The following COL11A1 variants were observed in gnomAD, a reference collection of about 807,000 sequenced individuals.
COL11A1 encodes the protein collagen alpha-1(XI) chain.
In COL11A1, 74 loss-of-function variants were observed where a neutral mutation model predicts 265.2. That is an observed-to-expected ratio of 0.28 (90% CI 0.23 to 0.34). The LOEUF is 0.34. COL11A1 is among the 10% of genes least tolerant of loss of function. COL11A1 has a pLI of 1.00. For missense variants in COL11A1, 2,165 were observed against 2,263.6 expected, an observed-to-expected ratio of 0.96 and a Z score of 0.88; for synonymous variants, 816 against 727.6, an observed-to-expected ratio of 1.12 and a Z score of -1.96.
At chr1:102,878,417 T>C (rs1649777191) in intron 66 of COL11A1, among the ~76,000 whole-genome samples, 1 of 135,964 alleles carries the variant, frequency 7.4e-6, no homozygotes, top group African/African-American at 2.7e-5. Context: ...TTAAAAAGAG[T>C]CTTGAGTTTC....
intron 1 of COL11A1, among the ~76,000 whole-genome samples, chr1:103,095,204 G>A (rs550865723): frequency 6.6e-6 from 1 of 151,964 alleles, no homozygotes; most frequent in Non-Finnish European, 1.5e-5. Flanking sequence ...GGATATAGAT[G>A]ACCTAGATGC....
chr1:103,102,984 C>T (rs1240020098), intron 1 of COL11A1, among the ~76,000 whole-genome samples: 1 of 151,954 alleles, frequency 6.6e-6, no homozygotes. Context: ...TAGTTGTTGA[C>T]AACACAACAG....
chr1:103,079,006 A>G (rs1672197378), intron 2 of COL11A1, 135 bp from the exon 3 acceptor site: 1 of 661,720 alleles, frequency 1.5e-6, no homozygotes, highest in Middle Eastern at 4.1e-4. Flanking sequence ...ACAGATTAAT[A>G]AATAAATAGG....
chr1:102,881,096 G>T (rs964108845), intron 65 of COL11A1, among the ~76,000 whole-genome samples: 17 of 151,940 alleles, frequency 1.1e-4, no homozygotes, highest in Non-Finnish European at 2.1e-4. Flanking sequence ...TAATTATCTG[G>T]ATAACTGGAA....
Position 102,876,582 on chromosome 1 carries a change from T to A in COL11A1, c.*1437A>T, listed in dbSNP as rs181411000. 8.3e-4 allele frequency: 126 copies of A among 152,660 alleles called. No individual in the cohort carries two copies. The highest frequency in any genetic ancestry group is 3.0e-3 in the African/African-American group (124 of 41,596). The allele number at this position is 152,660 out of a possible 1,614,324, so 9.5% of individuals were successfully genotyped here. A position where few individuals can be genotyped will look rare whatever the true frequency, so the allele number is the denominator to read the frequency against. On this transcript the variant is annotated 3_prime_UTR_variant, in exon 67 of 67. Coordinates refer to ENST00000370096, the MANE Select transcript of COL11A1 (RefSeq NM_001854.4). ...ATTCTTTATGACAAATTTCACTTTTTAATTTCAATATTACAGGTATGTTCT... is the reference window on the plus strand; with the variant it reads ...ATTCTTTATGACAAATTTCACTTTTAAATTTCAATATTACAGGTATGTTCT...
At chr1:102,886,743 T>C in intron 63 of COL11A1, 64 bp downstream of exon 63, 2 of 1,600,422 alleles carry the variant, frequency 1.2e-6, no homozygotes, top group Non-Finnish European at 1.7e-6. Context: ...ATGAATGAGC[T>C]GCCAATGCAC....
At chr1:103,063,420 T>C (rs1240404790) in intron 4 of COL11A1, among the ~76,000 whole-genome samples, 1 of 152,196 alleles carries the variant, frequency 6.6e-6, no homozygotes, top group Non-Finnish European at 1.5e-5. Context: ...CATATAAATA[T>C]ACTAAACTGA....
chr1:103,025,589 C>A lies in COL11A1; in HGVS notation c.922G>T (p.Glu308Ter). The part of the protein sequence containing the change: ...TEANIVDDFQ[E>*]YNYGTMESYQ... ...CTTTCCATTGTTCCATAGTTGTATT[C>A]TTGAAAATCATCAACGATGTTTGCC... The change falls in exon 7 of 67, where the codon GAA (glutamate) becomes TAA (stop). Residue 308 changes from glutamate to a stop codon, truncating the protein, a stop_gained. Transcript: ENST00000370096. LOFTEE classifies it high-confidence loss of function. 1 of 1,613,686 alleles carries A rather than the reference C, an allele frequency of 6.2e-7. No individual in the cohort carries two copies. Among genetic ancestry groups the A allele is most frequent in the Non-Finnish European group, 8.5e-7 (1 of 1,179,814 alleles).
At chr1:102,910,423 C>T (rs1654514219) in intron 54 of COL11A1, among the ~76,000 whole-genome samples, 2 of 152,126 alleles carry the variant, frequency 1.3e-5, no homozygotes, top group African/African-American at 4.8e-5. Context: ...CTAGATAGCA[C>T]TTGCTGAGAG....
intron 14 of COL11A1, among the ~76,000 whole-genome samples, chr1:103,009,468 G>A (rs1029546769): frequency 6.6e-6 from 1 of 152,006 alleles, no homozygotes; most frequent in Non-Finnish European, 1.5e-5. Context: ...CAACAACCTG[G>A]CATGTGTACT....
At chr1:102,911,474 T>A (rs867617685) in intron 54 of COL11A1, among the ~76,000 whole-genome samples, 31 of 152,156 alleles carry the variant, frequency 2.0e-4, no homozygotes, top group African/African-American at 7.0e-4. Flanking sequence ...ATTTTACTCA[T>A]GTGCCGGTTT....
Position 102,974,846 on chromosome 1 carries a change from C to A in COL11A1, c.2792G>T (p.Gly931Val). The change falls in exon 36 of 67, where the codon GGA becomes GTA. Residue 931 changes from glycine (G) to valine (V), a missense_variant. By Grantham distance (109) the Gly-to-Val change is moderately radical. Coordinates refer to ENST00000370096, the MANE Select transcript of COL11A1 (RefSeq NM_001854.4). ...GACACTTACAGGAGGGCCTTTTGGTCCAGGGAATCCAACTGGACCCTGAGG... is the reference window on the plus strand; with the variant it reads ...GACACTTACAGGAGGGCCTTTTGGTACAGGGAATCCAACTGGACCCTGAGG... ...QGPQGPVGFP[G>V]PKGPPGPPGK... The A allele has an allele frequency of 6.2e-7, 1 of 1,613,474 alleles. No individual in the cohort carries two copies. The highest frequency in any genetic ancestry group is 1.1e-5 in the South Asian group (1 of 91,040).
chr1:102,997,005 T>C (rs1051273771), intron 26 of COL11A1, 75 bp downstream of exon 26: 40 of 1,188,136 alleles, frequency 3.4e-5, no homozygotes, highest in Non-Finnish European at 4.8e-5. Flanking sequence ...TTTATATATA[T>C]GAGATGACCA....
chr1:102,878,673 G>A (rs920297156), intron 66 of COL11A1, among the ~76,000 whole-genome samples: 9 of 150,982 alleles, frequency 6.0e-5, no homozygotes, highest in Admixed American at 1.3e-4. Flanking sequence ...ACCATGCCCA[G>A]CTACTTTTTG....
intron 4 of COL11A1, among the ~76,000 whole-genome samples, chr1:103,070,046 G>A (rs1296764232): frequency 6.6e-6 from 1 of 151,264 alleles, no homozygotes; most frequent in Non-Finnish European, 1.5e-5. Context: ...AATAACCCAT[G>A]CATTCCACAT....
chr1:103,024,578 G>A (rs1447192709), intron 7 of COL11A1, among the ~76,000 whole-genome samples: 1 of 152,096 alleles, frequency 6.6e-6, no homozygotes, highest in African/African-American at 2.4e-5. Flanking sequence ...TATCTATGGT[G>A]AGAATATTGC....
In COL11A1 at chr1:103,034,107, C is replaced by T. The variant is rs190648956; in HGVS notation, c.652-2863G>A. Among the ~76,000 whole-genome samples the T allele has an allele frequency of 1.6e-4, 25 of 152,172 alleles. 1 individual carries two copies. Among genetic ancestry groups the T allele is most frequent in the Middle Eastern group, 3.4e-3 (1 of 294 alleles). On this transcript the variant is annotated intron_variant, in intron 4 of 66. Coordinates refer to ENST00000370096, the MANE Select transcript of COL11A1 (RefSeq NM_001854.4). ...AGAATCCTTTATATGTTATCAGTCACTTCACTCTTGAAGTTTTGAAGATTC... is the reference window on the plus strand; with the variant it reads ...AGAATCCTTTATATGTTATCAGTCATTTCACTCTTGAAGTTTTGAAGATTC...
intron 66 of COL11A1, among the ~76,000 whole-genome samples, chr1:102,879,277 A>G (rs1649933056): frequency 6.6e-6 from 1 of 152,178 alleles, no homozygotes; most frequent in Non-Finnish European, 1.5e-5. Context: ...AACAAAATAT[A>G]GGGCTAAAAA....
intron 28 of COL11A1, among the ~76,000 whole-genome samples, chr1:102,994,392 A>G (rs1459982815): frequency 6.6e-6 from 1 of 151,812 alleles, no homozygotes; most frequent in African/African-American, 2.4e-5. Context: ...AGGAGATTTG[A>G]TTGTTTAAAA....
Sources: allele counts gnomAD v4.1 joint callset (sites outside exome capture counted in the v4.1 genomes callset), GRCh38; gene constraint gnomAD v4.1.1; transcripts MANE v1.5; gene names NCBI Gene and HGNC (gene_info 2026-07-23, HGNC 2026-07-21).